SPIDR: variants seen among roughly 807,000 people sequenced by gnomAD.
SPIDR encodes DNA repair-scaffolding protein.
A neutral mutation model predicts 104.6 loss-of-function variants in SPIDR; 93 were observed. The observed-to-expected ratio is 0.89, with a 90% confidence interval of 0.75 to 1.06. SPIDR has a LOEUF of 1.06. SPIDR is among the 50% of genes least tolerant of loss of function. SPIDR has a pLI of 0.00. For missense variants in SPIDR, 1,154 were observed against 1,111.2 expected (o/e 1.04, Z -0.55); for synonymous variants, 431 against 416.9 (o/e 1.03, Z -0.41).
intron 1 of SPIDR, among the ~76,000 whole-genome samples, chr8:47,264,019 C>T (rs1473220971): frequency 6.6e-6 from 1 of 152,118 alleles, no homozygotes; most frequent in African/African-American, 2.4e-5. Context: ...GAAAGGAGAA[C>T]TAGTTTAGAA....
intron 5 of SPIDR, among the ~76,000 whole-genome samples, chr8:47,386,685 A>T (rs116827397): frequency 1.3e-5 from 2 of 152,200 alleles, no homozygotes; most frequent in South Asian, 4.1e-4. Flanking sequence ...GTAGTTTTCC[A>T]TCACTGTTTT....
chr8:47,393,312 A>G (rs1456510986), intron 5 of SPIDR, among the ~76,000 whole-genome samples: 1 of 151,860 alleles, frequency 6.6e-6, no homozygotes, highest in Non-Finnish European at 1.5e-5. Flanking sequence ...TATTCCCACT[A>G]CCTCTCAGAT....
chr8:47,428,779 C>A (rs1051988639), intron 7 of SPIDR, among the ~76,000 whole-genome samples: 5 of 152,280 alleles, frequency 3.3e-5, no homozygotes, highest in Admixed American at 3.3e-4. Context: ...GGGATACTGC[C>A]AGTGCCCACT....
intron 8 of SPIDR, chr8:47,547,277 T>G: frequency 1.7e-6 from 1 of 596,248 alleles, no homozygotes; most frequent in South Asian, 1.4e-5. Context: ...AAGCAACCCT[T>G]GGTGTCATAG....
chr8:47,389,128 C>G (rs1588064872), intron 5 of SPIDR, among the ~76,000 whole-genome samples: 1 of 152,114 alleles, frequency 6.6e-6, no homozygotes, highest in South Asian at 2.1e-4. Flanking sequence ...CATAGTCATT[C>G]TTTGCTCTGT....
At position 47,490,997 on chromosome 8, in the gene SPIDR, T is replaced by G. The variant is rs988246144; in HGVS notation, c.1097+50455T>G. ...TACCCTAGAACTTAAAGTATAATAA[T>G]AAAATAAAATATAATCACTGAAAAA... On this transcript the variant is annotated intron_variant, in intron 8 of 19. Coordinates refer to ENST00000297423, the MANE Select transcript of SPIDR (RefSeq NM_001080394.4). Among the ~76,000 whole-genome samples, 3 of 151,898 alleles carry G rather than the reference T, an allele frequency of 2.0e-5. No homozygotes were observed. In the South Asian group the frequency reaches 6.2e-4, roughly 31 times the overall value.
At chr8:47,423,953 A>G (rs1440097349) in intron 7 of SPIDR, among the ~76,000 whole-genome samples, 1 of 152,200 alleles carries the variant, frequency 6.6e-6, no homozygotes, top group Non-Finnish European at 1.5e-5. Context: ...ACTAAGTGAT[A>G]CTCAAAGCAT....
Position 47,564,042 on chromosome 8 carries a change from A to G in SPIDR, c.1098-31769A>G, listed in dbSNP as rs577735081. ...CATTATTTAGTCCCTTTGGGAAATC[A>G]TATTTAAATATTTGCTTCTTTTTTC... is the stretch of plus-strand genomic sequence containing the variant. On this transcript the variant is annotated intron_variant, in intron 8 of 19. Transcript: ENST00000297423. Among the ~76,000 whole-genome samples the G allele has an allele frequency of 4.3e-5, 6 of 139,156 alleles. No individual in the cohort carries two copies. In the South Asian group the frequency reaches 1.4e-3, roughly 33 times the overall value. The allele number at this position is 139,156 out of a possible 152,430, so 91.3% of individuals were successfully genotyped here.
chr8:47,300,572 C>T (rs1319759205), intron 5 of SPIDR, among the ~76,000 whole-genome samples: 1 of 152,180 alleles, frequency 6.6e-6, no homozygotes, highest in Non-Finnish European at 1.5e-5. Flanking sequence ...CCTGCTTTCT[C>T]TTGTGGGCAT....
At chr8:47,303,089 C>T (rs1401807409) in intron 5 of SPIDR, among the ~76,000 whole-genome samples, 1 of 152,228 alleles carries the variant, frequency 6.6e-6, no homozygotes, top group Admixed American at 6.5e-5. Flanking sequence ...GTGGTGCGCT[C>T]CACCCAGTTC....
intron 8 of SPIDR, among the ~76,000 whole-genome samples, chr8:47,529,666 G>C (rs571226728): frequency 1.3e-4 from 20 of 152,146 alleles, no homozygotes; most frequent in African/African-American, 4.8e-4. Context: ...AGGATTATAA[G>C]TGAAGGAAAA....
intron 10 of SPIDR, among the ~76,000 whole-genome samples, chr8:47,603,097 A>G (rs981359492): frequency 6.6e-6 from 1 of 152,204 alleles, no homozygotes; most frequent in Non-Finnish European, 1.5e-5. Flanking sequence ...CCTTTTTTAT[A>G]GATAGACTAC....
At chr8:47,511,384 G>T (rs923272309) in intron 8 of SPIDR, 2 of 932,754 alleles carry the variant, frequency 2.1e-6, no homozygotes, top group African/African-American at 1.6e-5. Flanking sequence ...ACCCTCGCCA[G>T]TGAAGGCTTT....
At chr8:47,461,660 C>A (rs183988242) in intron 8 of SPIDR, among the ~76,000 whole-genome samples, 1 of 152,004 alleles carries the variant, frequency 6.6e-6, no homozygotes, top group Non-Finnish European at 1.5e-5. Flanking sequence ...TGAGTTAATT[C>A]AAAAACCTTG....
intron 1 of SPIDR, among the ~76,000 whole-genome samples, chr8:47,268,115 G>A (rs936751253): frequency 6.6e-6 from 1 of 152,074 alleles, no homozygotes; most frequent in Non-Finnish European, 1.5e-5. Context: ...AATTGTCTTG[G>A]CACTTTTTTG....
At chr8:47,416,347 T>G (rs1312606911) in intron 7 of SPIDR, among the ~76,000 whole-genome samples, 3 of 152,210 alleles carry the variant, frequency 2.0e-5, no homozygotes, top group Non-Finnish European at 2.9e-5. Context: ...CAAGTTGTTG[T>G]GTATGTCAAT....
chr8:47,263,025 G>C (rs1451201989), intron 1 of SPIDR, among the ~76,000 whole-genome samples: 1 of 152,150 alleles, frequency 6.6e-6, no homozygotes, highest in Non-Finnish European at 1.5e-5. Flanking sequence ...TGCTTTATAT[G>C]TATTAACTAA....
chr8:47,298,913 C>G (rs1271590984), intron 5 of SPIDR, among the ~76,000 whole-genome samples: 1 of 152,126 alleles, frequency 6.6e-6, no homozygotes, highest in African/African-American at 2.4e-5. Flanking sequence ...GTTCTTATGG[C>G]TTAGGATTGA....
At chr8:47,550,643 G>A (rs1355367437) in intron 8 of SPIDR, among the ~76,000 whole-genome samples, 3 of 152,128 alleles carry the variant, frequency 2.0e-5, no homozygotes, top group Non-Finnish European at 4.4e-5. Flanking sequence ...TGCTGCAGTT[G>A]CTTATCAGCT....
Sources: gnomAD v4.1 joint callset for allele counts (sites outside exome capture counted in the v4.1 genomes callset) on GRCh38, gnomAD v4.1.1 for gene constraint, MANE v1.5 for transcripts, NCBI Gene and HGNC (gene_info 2026-07-23, HGNC 2026-07-21) for gene names.